The following PLPP7 variants were observed in gnomAD, a reference collection of about 807,000 sequenced individuals.
PLPP7 encodes the protein phospholipid phosphatase 7 (inactive), also known as inactive phospholipid phosphatase 7.
PLPP7 carries 11 observed loss-of-function variants against 16.9 expected under a neutral mutation model. That is an observed-to-expected ratio of 0.65 (90% CI 0.41 to 1.08). The LOEUF is 1.08. Ranked by LOEUF, PLPP7 falls within the 50% of genes least tolerant of loss-of-function variation. The probability of loss-of-function intolerance (pLI) is 0.00; values close to 1 mark genes in which losing one functional copy is unlikely to be tolerated. For missense variants in PLPP7, 358 were observed against 397.1 expected, an observed-to-expected ratio of 0.90 and a Z score of 0.84; for synonymous variants, 174 against 175.1, an observed-to-expected ratio of 0.99 and a Z score of 0.05.
chr9:131,300,385 T>G (rs1288451498), intron 1 of PLPP7, among the ~76,000 whole-genome samples: 1 of 152,156 alleles, frequency 6.6e-6, no homozygotes, highest in East Asian at 1.9e-4. Context: ...AATGTTTTGC[T>G]GCTAGAGATT....
intron 1 of PLPP7, among the ~76,000 whole-genome samples, chr9:131,294,051 G>A (rs1189390744): frequency 6.6e-6 from 1 of 152,184 alleles, no homozygotes; most frequent in Non-Finnish European, 1.5e-5. Flanking sequence ...GTCCTGCTGG[G>A]CCTGGGGAAG....
chr9:131,300,259 A>AT (rs1835781425), intron 1 of PLPP7, among the ~76,000 whole-genome samples: 1 of 152,164 alleles, frequency 6.6e-6, no homozygotes, highest in South Asian at 2.1e-4. Context: ...ACCTGCATTC[A>AT]TCCATTCATA....
chr9:131,297,447 G>A (rs909388627), intron 1 of PLPP7, among the ~76,000 whole-genome samples: 17 of 148,622 alleles, frequency 1.1e-4, no homozygotes, highest in African/African-American at 3.7e-4. Flanking sequence ...GGGCAGTGGC[G>A]CGACCTCAGC....
In PLPP7 at chr9:131,308,648, T is replaced by C. The variant is rs1200058388; in HGVS notation, c.*361T>C. 1 of 271,442 alleles carries C rather than the reference T, an allele frequency of 3.7e-6. No homozygotes were observed. The highest frequency in any genetic ancestry group is 2.2e-5 in the African/African-American group (1 of 45,238). 16.8% of individuals were successfully genotyped at this position (271,442 alleles called of 1,614,324 possible). On this transcript the variant is annotated 3_prime_UTR_variant, in exon 2 of 2. Transcript: ENST00000372264. The stretch of plus-strand genomic sequence containing the variant: ...CCTTTCATCATCATGACTGTTGAGT[T>C]CTTGGCTGTGCCCATCACGCCACAG...
chr9:131,306,893 C>T (rs1005011455), intron 1 of PLPP7, among the ~76,000 whole-genome samples: 6 of 152,176 alleles, frequency 3.9e-5, no homozygotes, highest in South Asian at 2.1e-4. Flanking sequence ...GCCGCTGAAG[C>T]GTGCACTCTA....
rs1835641600 is a variant in PLPP7, at chr9:131,289,850, G to A, written c.-148G>A. The A allele has an allele frequency of 1.8e-6, 1 of 564,644 alleles. No individual in the cohort carries two copies. Among genetic ancestry groups the A allele is most frequent in the Middle Eastern group, 5.1e-4 (1 of 1,958 alleles). 35.0% of individuals were successfully genotyped at this position (564,644 alleles called of 1,614,324 possible). ...GGTGGCAGAGGAGATAAACAGCCAT[G>A]TGCAACTCTCCACACTATATTTAAC... On this transcript the variant is annotated 5_prime_UTR_variant, in exon 1 of 2. In the 5' UTR this introduces an upstream ATG that the reference lacks. Transcript: ENST00000372264.
rs767955912 is a variant in PLPP7 at position 131,290,513 on chromosome 9, C to T, written c.451+65C>T. 2.1e-6 allele frequency: 3 copies of T among 1,418,196 alleles called. No homozygotes were observed. The highest frequency in any genetic ancestry group is 2.4e-5 in the Admixed American group (1 of 41,548). 87.9% of individuals were successfully genotyped at this position (1,418,196 alleles called of 1,614,324 possible). A position where few individuals can be genotyped will look rare whatever the true frequency, so the allele number is the denominator to read the frequency against. ...TCGGGAGGCAGCCTGGCCTGCCCAACCCCACCCTGGCCGGGACCTGCACAG... is the reference window on the plus strand; with the variant it reads ...TCGGGAGGCAGCCTGGCCTGCCCAATCCCACCCTGGCCGGGACCTGCACAG... On this transcript the variant is annotated intron_variant, in intron 1 of 1. Coordinates refer to ENST00000372264, the MANE Select transcript of PLPP7 (RefSeq NM_032728.4). The surrounding 1 kb of genome is among the most constrained non-coding windows in gnomAD (Gnocchi z 4.2).
intron 1 of PLPP7, among the ~76,000 whole-genome samples, chr9:131,301,258 C>T (rs145304257): frequency 6.6e-4 from 101 of 152,262 alleles, no homozygotes; most frequent in African/African-American, 1.7e-3. Flanking sequence ...CATGAGCCAC[C>T]GCGCTGGCCT....
chr9:131,308,385 C>A lies in PLPP7; in HGVS notation c.*98C>A, dbSNP rs547641435. ...GCGGGCGTGGGTGGAACAGAGCGGC[C>A]AGGAGTCAGAGCGGCCACCCCCACC... is the stretch of plus-strand genomic sequence containing the variant. On this transcript the variant is annotated 3_prime_UTR_variant, in exon 2 of 2. Coordinates refer to ENST00000372264, the MANE Select transcript of PLPP7 (RefSeq NM_032728.4). 1,599 of 1,444,016 alleles carry A rather than the reference C, an allele frequency of 1.1e-3. No homozygotes were observed. The highest frequency in any genetic ancestry group is 6.2e-3 in the Middle Eastern group (28 of 4,488). The allele number at this position is 1,444,016 out of a possible 1,614,324, so 89.5% of individuals were successfully genotyped here.
intron 1 of PLPP7, among the ~76,000 whole-genome samples, chr9:131,299,026 G>T (rs1271307133): frequency 6.6e-6 from 1 of 152,172 alleles, no homozygotes; most frequent in Admixed American, 6.5e-5. Flanking sequence ...CTCTGACATG[G>T]TCCCGGGGGT....
Position 131,295,148 on chromosome 9 carries a change from T to A in PLPP7, c.451+4700T>A, listed in dbSNP as rs1835722230. ...GTATCTTTATTGAGATTTTCCTGAA[T>A]ATGAAAACTACTTTTTTTTTTTTGA... On this transcript the variant is annotated intron_variant, in intron 1 of 1. Transcript: ENST00000372264. The surrounding 1 kb of genome is among the most constrained non-coding windows in gnomAD (Gnocchi z 4.0). Among the ~76,000 whole-genome samples the A allele has an allele frequency of 6.6e-6, 1 of 151,682 alleles. No individual in the cohort carries two copies. Among genetic ancestry groups the A allele is most frequent in the Non-Finnish European group, 1.5e-5 (1 of 67,906 alleles).
At chr9:131,299,708 C>A (rs1057089042) in intron 1 of PLPP7, among the ~76,000 whole-genome samples, 2 of 152,190 alleles carry the variant, frequency 1.3e-5, no homozygotes, top group African/African-American at 4.8e-5. Context: ...GATAGAGTAA[C>A]GCTCTGTGTC....
chr9:131,305,932 G>A (rs1349149430), intron 1 of PLPP7, among the ~76,000 whole-genome samples: 1 of 151,942 alleles, frequency 6.6e-6, no homozygotes, highest in East Asian at 1.9e-4. Flanking sequence ...CCCAGCCAGA[G>A]ACATCCGTCT....
chr9:131,291,435 T>A, intron 1 of PLPP7: 5 of 1,136,296 alleles, frequency 4.4e-6, no homozygotes, highest in Non-Finnish European at 4.4e-6. Flanking sequence ...AACACGTATC[T>A]CCCTGCTCTA....
intron 1 of PLPP7, among the ~76,000 whole-genome samples, chr9:131,299,186 G>A (rs539554103): frequency 6.9e-6 from 1 of 143,900 alleles, no homozygotes; most frequent in South Asian, 2.4e-4. Context: ...TCTGGAGCCT[G>A]AGTGCGCCCT....
chr9:131,304,589 C>G (rs1033992141), intron 1 of PLPP7, among the ~76,000 whole-genome samples: 4 of 152,090 alleles, frequency 2.6e-5, no homozygotes, highest in African/African-American at 9.7e-5. Flanking sequence ...GAGCCAAGAT[C>G]ATGCTGCAGT....
Position 131,290,913 on chromosome 9 carries a change from G to A in PLPP7, c.451+465G>A, listed in dbSNP as rs567249053. ...CTGCCCCATGAGCACCTCCCGCCTCGGTTCAGGAACCGGGAAAGCTGCCCA... is the reference window on the plus strand; with the variant it reads ...CTGCCCCATGAGCACCTCCCGCCTCAGTTCAGGAACCGGGAAAGCTGCCCA... On this transcript the variant is annotated intron_variant, in intron 1 of 1. Transcript: ENST00000372264. The surrounding 1 kb of genome is among the most constrained non-coding windows in gnomAD (Gnocchi z 4.2). 2.0e-4 allele frequency among the ~76,000 whole-genome samples: 31 copies of A among 152,220 alleles called. No individual in the cohort carries two copies. In the South Asian group the frequency reaches 5.0e-3, roughly 24 times the overall value.
chr9:131,289,799 C>A lies in PLPP7; in HGVS notation c.-199C>A. 1 of 424,456 alleles carries A rather than the reference C, an allele frequency of 2.4e-6. No individual in the cohort carries two copies. 26.3% of individuals were successfully genotyped at this position (424,456 alleles called of 1,614,324 possible). On this transcript the variant is annotated 5_prime_UTR_variant, in exon 1 of 2. It adds an upstream start codon to the 5' untranslated region. Coordinates refer to ENST00000372264, the MANE Select transcript of PLPP7 (RefSeq NM_032728.4). ...TTGGAGGGCTCGATTGGCTGCCCGGCTGGCACTGACGTCCCCTTGGAGCTG... is the reference window on the plus strand; with the variant it reads ...TTGGAGGGCTCGATTGGCTGCCCGGATGGCACTGACGTCCCCTTGGAGCTG...
intron 1 of PLPP7, among the ~76,000 whole-genome samples, chr9:131,302,552 G>A (rs576514577): frequency 1.3e-5 from 2 of 152,274 alleles, no homozygotes; most frequent in African/African-American, 2.4e-5. Flanking sequence ...CCAGCCACAC[G>A]CCTCCCCAGC....
Sources: gnomAD v4.1 joint callset for allele counts (sites outside exome capture counted in the v4.1 genomes callset) on GRCh38, gnomAD v4.1.1 for gene constraint, Gnocchi (gnomAD v3.1) non-coding constraint, MANE v1.5 for transcripts, NCBI Gene and HGNC (gene_info 2026-07-23, HGNC 2026-07-21) for gene names.